RTN4RL1: variants seen among roughly 807,000 people sequenced by gnomAD.
RTN4RL1 encodes reticulon 4 receptor like 1.
A neutral mutation model predicts 25.6 loss-of-function variants in RTN4RL1; 7 were observed. The ratio of observed to expected loss-of-function variants is 0.27; its 90% CI spans 0.16 to 0.51. The LOEUF (loss-of-function observed/expected upper bound fraction) is 0.51. Ranked by LOEUF, RTN4RL1 falls within the 20% of genes least tolerant of loss-of-function variation. RTN4RL1 has a pLI of 0.97. For missense variants in RTN4RL1, 500 were observed against 615.6 expected (o/e 0.81, Z 1.99); for synonymous variants, 297 against 288.2 (o/e 1.03, Z -0.31).
chr17:1,937,947 A>G, intron 1 of RTN4RL1, 139 bp from the exon 2 acceptor site: 2 of 752,570 alleles, frequency 2.7e-6, no homozygotes, highest in Non-Finnish European at 4.2e-6. Context: ...GAGCAAGGCC[A>G]GGGTCAAGGC....
At chr17:1,993,593 A>G (rs995830348) in intron 1 of RTN4RL1, among the ~76,000 whole-genome samples, 1 of 152,136 alleles carries the variant, frequency 6.6e-6, no homozygotes, top group Non-Finnish European at 1.5e-5. Flanking sequence ...GAGATAATAT[A>G]TGTAAAGTGT....
chr17:1,988,292 C>G (rs931940329), intron 1 of RTN4RL1, among the ~76,000 whole-genome samples: 15 of 150,662 alleles, frequency 1.0e-4, no homozygotes, highest in African/African-American at 3.7e-4. Context: ...ATAGTCCCAG[C>G]TACTCAGGAG....
chr17:1,979,144 G>A (rs1597224219), intron 1 of RTN4RL1, among the ~76,000 whole-genome samples: 2 of 152,182 alleles, frequency 1.3e-5, no homozygotes, highest in East Asian at 1.9e-4. Flanking sequence ...GTGGTGGCAC[G>A]CACCTGTAAT....
At chr17:1,991,527 C>G (rs2151319321) in intron 1 of RTN4RL1, among the ~76,000 whole-genome samples, 1 of 151,680 alleles carries the variant, frequency 6.6e-6, no homozygotes, top group South Asian at 2.1e-4. Context: ...TTTCCTCTCC[C>G]AGACCTCCAG....
At chr17:1,951,553 C>T (rs1040367613) in intron 1 of RTN4RL1, among the ~76,000 whole-genome samples, 11 of 151,896 alleles carry the variant, frequency 7.2e-5, no homozygotes, top group Non-Finnish European at 1.3e-4. Flanking sequence ...CGAGTTCAAG[C>T]GATTCTCCTG....
At chr17:1,991,086 G>A (rs544740793) in intron 1 of RTN4RL1, among the ~76,000 whole-genome samples, 4 of 152,234 alleles carry the variant, frequency 2.6e-5, no homozygotes, top group South Asian at 2.1e-4. Context: ...CAACCGAGTC[G>A]CAGATTCCAT....
chr17:1,976,705 C>G (rs1414279876), intron 1 of RTN4RL1, among the ~76,000 whole-genome samples: 1 of 152,176 alleles, frequency 6.6e-6, no homozygotes, highest in East Asian at 1.9e-4. Flanking sequence ...TTGCCCCACT[C>G]CTGGAAAGAG....
intron 1 of RTN4RL1, among the ~76,000 whole-genome samples, chr17:2,021,241 A>C (rs1179776392): frequency 6.6e-6 from 1 of 152,184 alleles, no homozygotes. Context: ...CAGGAATCAG[A>C]GAGATGATCC....
intron 1 of RTN4RL1, among the ~76,000 whole-genome samples, chr17:1,987,718 GACACACACACACACACACACAC>G (rs59658751): frequency 0.011 from 1,533 of 145,200 alleles, 31 homozygotes; most frequent in African/African-American, 0.038. Context: ...TGAGTTCAGG[GACACACACACACACACACACAC>G]ACACACACAC....
chr17:2,009,701 G>A lies in RTN4RL1; in HGVS notation c.13+15152C>T, dbSNP rs2067029832. Among the ~76,000 whole-genome samples the A allele has an allele frequency of 3.1e-5, 4 of 127,518 alleles. 1 individual carries two copies. The South Asian group carries it at 1.1e-3, about 37-fold the overall frequency. 83.7% of individuals were successfully genotyped at this position (127,518 alleles called of 152,430 possible). ...AGAAAGAGAGGCATCTGACCCCGAT[G>A]TAAAGGGGGATCCCCAGATCGGCCA... On this transcript the variant is annotated intron_variant, in intron 1 of 1. Coordinates refer to ENST00000331238, the MANE Select transcript of RTN4RL1 (RefSeq NM_178568.4).
intron 1 of RTN4RL1, among the ~76,000 whole-genome samples, chr17:1,990,077 A>T (rs565563205): frequency 1.3e-4 from 10 of 77,426 alleles, no homozygotes; most frequent in African/African-American, 8.3e-4. Flanking sequence ...TGTGTACATT[A>T]AAAAACTTTT....
chr17:1,951,093 A>G (rs1007774237), intron 1 of RTN4RL1, among the ~76,000 whole-genome samples: 49 of 151,492 alleles, frequency 3.2e-4, no homozygotes, highest in African/African-American at 7.0e-4. Context: ...GTGAAACCCC[A>G]TCTCTACTAA....
intron 1 of RTN4RL1, among the ~76,000 whole-genome samples, chr17:1,939,644 G>A (rs987604536): frequency 5.3e-5 from 8 of 152,196 alleles, no homozygotes; most frequent in Non-Finnish European, 8.8e-5. Context: ...TTAGGCATTC[G>A]TTAATGGATC....
chr17:2,020,869 G>A (rs758336253), intron 1 of RTN4RL1, among the ~76,000 whole-genome samples: 1 of 152,172 alleles, frequency 6.6e-6, no homozygotes, highest in East Asian at 1.9e-4. Flanking sequence ...GGAAAGCCAC[G>A]GGTCCCGACC....
intron 1 of RTN4RL1, among the ~76,000 whole-genome samples, chr17:2,002,392 A>G (rs2066964451): frequency 6.7e-6 from 1 of 150,306 alleles, no homozygotes; most frequent in Admixed American, 6.6e-5. Flanking sequence ...TCCCGGGTTC[A>G]CGCCATTCTC....
At chr17:1,987,360 A>G (rs1278801123) in intron 1 of RTN4RL1, among the ~76,000 whole-genome samples, 6 of 152,156 alleles carry the variant, frequency 3.9e-5, no homozygotes, top group Non-Finnish European at 8.8e-5. Context: ...CTGTGGGGGA[A>G]GAGAAGTTCT....
intron 1 of RTN4RL1, among the ~76,000 whole-genome samples, chr17:1,967,724 C>T (rs2066798527): frequency 1.3e-5 from 2 of 152,100 alleles, no homozygotes; most frequent in Non-Finnish European, 2.9e-5. Flanking sequence ...ACTGCAACCT[C>T]CTCCTCCCAG....
At chr17:2,023,319 CTT>C (rs1177918456) in intron 1 of RTN4RL1, among the ~76,000 whole-genome samples, 5 of 152,192 alleles carry the variant, frequency 3.3e-5, no homozygotes, top group Admixed American at 2.0e-4. Flanking sequence ...GCTGAAAGGA[CTT>C]TTTGTCCCTT....
At position 2,007,337 on chromosome 17, in the gene RTN4RL1, AACACACACAC is replaced by A. The variant is rs34669886; in HGVS notation, c.13+17506_13+17515del. Among the ~76,000 whole-genome samples the A allele has an allele frequency of 1.4e-4, 19 of 140,404 alleles. 1 individual carries two copies. The highest frequency in any genetic ancestry group is 7.0e-4 in the South Asian group (3 of 4,266). 92.1% of individuals were successfully genotyped at this position (140,404 alleles called of 152,430 possible). ...AGACCTAGGCCATGTTCACAGCCCC[AACACACACAC>A]ACACACACACACACACACACACACA... On this transcript the variant is annotated intron_variant, in intron 1 of 1. Transcript: ENST00000331238.
Sources: gnomAD v4.1 joint callset for allele counts (sites outside exome capture counted in the v4.1 genomes callset) on GRCh38, gnomAD v4.1.1 for gene constraint, MANE v1.5 for transcripts, NCBI Gene and HGNC (gene_info 2026-07-23, HGNC 2026-07-21) for gene names.